The following RABL3 variants were observed in gnomAD, a reference collection of about 807,000 sequenced individuals.
RABL3 encodes the protein RAB, member of RAS oncogene family like 3, also known as rab-like protein 3.
In RABL3, 31 loss-of-function variants were observed where a neutral mutation model predicts 31.8. The ratio of observed to expected loss-of-function variants is 0.97; its 90% CI spans 0.73 to 1.31. The LOEUF (loss-of-function observed/expected upper bound fraction) is 1.31, where lower values mean the gene tolerates loss of function less well. Among genes scored for constraint, RABL3 ranks in the 40% most tolerant of loss-of-function variants. The pLI is 0.00. For missense variants in RABL3, 263 were observed against 279.6 expected, an observed-to-expected ratio of 0.94 and a Z score of 0.42; for synonymous variants, 97 against 99.9, an observed-to-expected ratio of 0.97 and a Z score of 0.18.
chr3:120,726,936 A>G lies in RABL3; in HGVS notation c.138+3760T>C, dbSNP rs970657365. Among the ~76,000 whole-genome samples the G allele has an allele frequency of 5.3e-5, 8 of 152,070 alleles. 1 individual carries two copies. Among genetic ancestry groups the G allele is most frequent in the Admixed American group, 2.6e-4 (4 of 15,252 alleles). On this transcript the variant is annotated intron_variant, in intron 2 of 7. Coordinates refer to ENST00000273375, the MANE Select transcript of RABL3 (RefSeq NM_173825.5). ...GTTTGGAAATTGAGAAGCATATTCT[A>G]CACAACCCATGAGTCAAAGAAAAAA...
Position 120,685,326 on chromosome 3 carries a change from T to G in RABL3, c.*4497A>C, listed in dbSNP as rs1482322542. On this transcript the variant is annotated 3_prime_UTR_variant, in exon 8 of 8. Coordinates refer to ENST00000273375, the MANE Select transcript of RABL3 (RefSeq NM_173825.5). ...GGAACGGAGAGATTACCTGATATAC[T>G]TGATGGTACTGAGCGAGGTTTTACA... Among the ~76,000 whole-genome samples, 1 of 152,182 alleles carries G rather than the reference T, an allele frequency of 6.6e-6. No homozygotes were observed. The highest frequency in any genetic ancestry group is 1.5e-5 in the Non-Finnish European group (1 of 68,028).
At chr3:120,724,712 A>T (rs993912302) in intron 2 of RABL3, among the ~76,000 whole-genome samples, 6 of 152,178 alleles carry the variant, frequency 3.9e-5, no homozygotes, top group East Asian at 1.9e-4. Flanking sequence ...GGATTCCCTA[A>T]TTAATAAATG....
intron 4 of RABL3, among the ~76,000 whole-genome samples, chr3:120,703,089 G>A (rs559611894): frequency 1.3e-5 from 2 of 152,194 alleles, no homozygotes; most frequent in Admixed American, 6.5e-5. Flanking sequence ...GAAGTAGTTC[G>A]TGAATGCTTG....
At chr3:120,701,971 A>G (rs1708497252) in intron 4 of RABL3, among the ~76,000 whole-genome samples, 1 of 152,220 alleles carries the variant, frequency 6.6e-6, no homozygotes. Flanking sequence ...CCATTGAATT[A>G]GCAGTTTCCT....
At chr3:120,738,209 G>C (rs1444222003) in intron 1 of RABL3, among the ~76,000 whole-genome samples, 1 of 152,242 alleles carries the variant, frequency 6.6e-6, no homozygotes, top group Non-Finnish European at 1.5e-5. Context: ...TCAATGGCGG[G>C]CGCCCCTCCC....
chr3:120,702,672 C>T (rs1214370168), intron 4 of RABL3, among the ~76,000 whole-genome samples: 1 of 151,936 alleles, frequency 6.6e-6, no homozygotes, highest in African/African-American at 2.4e-5. Flanking sequence ...ATTCTCCTGC[C>T]TCAGCCTCCC....
intron 5 of RABL3, among the ~76,000 whole-genome samples, chr3:120,697,161 T>C (rs1708446653): frequency 1.3e-5 from 2 of 152,206 alleles, no homozygotes; most frequent in African/African-American, 2.4e-5. Context: ...TAACTGTTGG[T>C]CTAGATGATT....
intron 4 of RABL3, 117 bp from the exon 5 acceptor site, chr3:120,698,690 T>C: frequency 1.2e-6 from 1 of 853,234 alleles, no homozygotes; most frequent in South Asian, 1.8e-5. Flanking sequence ...TTTTGCTGCC[T>C]TCACCTACAA....
intron 6 of RABL3, among the ~76,000 whole-genome samples, chr3:120,692,801 T>C (rs987659859): frequency 2.6e-5 from 4 of 152,214 alleles, no homozygotes; most frequent in African/African-American, 9.6e-5. Flanking sequence ...TAATTTAGTA[T>C]ATCTTATTTT....
intron 6 of RABL3, among the ~76,000 whole-genome samples, chr3:120,692,882 C>G (rs2107574454): frequency 6.6e-6 from 1 of 152,170 alleles, no homozygotes; most frequent in African/African-American, 2.4e-5. Flanking sequence ...CAGGGCAGAT[C>G]TATAAGATGT....
intron 3 of RABL3, among the ~76,000 whole-genome samples, chr3:120,707,371 G>A (rs1429851026): frequency 6.6e-6 from 1 of 152,052 alleles, no homozygotes; most frequent in Non-Finnish European, 1.5e-5. Context: ...TTTAAAAAAA[G>A]GAATAAAGAA....
At chr3:120,711,915 A>G in intron 2 of RABL3, among the ~76,000 whole-genome samples, 1 of 151,892 alleles carries the variant, frequency 6.6e-6, no homozygotes, top group East Asian at 1.9e-4. Flanking sequence ...CCTAGATTCT[A>G]CTCCTTGATT....
chr3:120,699,103 G>T (rs1356286406), intron 4 of RABL3, among the ~76,000 whole-genome samples: 1 of 151,820 alleles, frequency 6.6e-6, no homozygotes, highest in African/African-American at 2.4e-5. Flanking sequence ...GAATAGTAAA[G>T]AAATAAGAAG....
At chr3:120,719,319 G>C (rs1296479777) in intron 2 of RABL3, among the ~76,000 whole-genome samples, 1 of 152,212 alleles carries the variant, frequency 6.6e-6, no homozygotes, top group African/African-American at 2.4e-5. Context: ...GAGGTACTGG[G>C]TTCATCTCAC....
In RABL3 at chr3:120,698,534, T is replaced by C. The variant is rs376036292; in HGVS notation, c.423A>G (p.Pro141=). 7.4e-6 allele frequency: 12 copies of C among 1,613,190 alleles called. No individual in the cohort carries two copies. The highest frequency in any genetic ancestry group is 4.5e-5 in the East Asian group (2 of 44,834). ...CCAGTTTAGTCCCTATTACCAACAG[T>C]GGTATTTGGTTATCAGCAAACTGTT... ...DQEQFADNQI[P]LLVIGTKLDQ... The change falls in exon 5 of 8, where the codon CCA becomes CCG. Residue 141 remains proline, a synonymous_variant. Transcript: ENST00000273375.
intron 5 of RABL3, among the ~76,000 whole-genome samples, chr3:120,695,124 T>C (rs925495370): frequency 2.6e-5 from 4 of 152,094 alleles, no homozygotes; most frequent in African/African-American, 9.7e-5. Flanking sequence ...TCTGTGCCCC[T>C]AGAAATTACT....
intron 6 of RABL3, among the ~76,000 whole-genome samples, chr3:120,692,431 C>T (rs1204810081): frequency 2.0e-5 from 3 of 152,184 alleles, no homozygotes; most frequent in Non-Finnish European, 2.9e-5. Flanking sequence ...ATCTCCTGAC[C>T]TCGTCATCTG....
intron 4 of RABL3, 53 bp from the exon 5 acceptor site, chr3:120,698,626 T>A: frequency 6.8e-7 from 1 of 1,459,976 alleles, no homozygotes; most frequent in East Asian, 2.4e-5. Flanking sequence ...CTGGTGTAGA[T>A]GTGTAATATT....
chr3:120,716,285 G>C (rs1708668896), intron 2 of RABL3, among the ~76,000 whole-genome samples: 1 of 152,192 alleles, frequency 6.6e-6, no homozygotes. Flanking sequence ...ACTTGGGACA[G>C]CAAAGTTAAA....
Sources: allele counts gnomAD v4.1 joint callset (sites outside exome capture counted in the v4.1 genomes callset), GRCh38; gene constraint gnomAD v4.1.1; transcripts MANE v1.5; gene names NCBI Gene and HGNC (gene_info 2026-07-23, HGNC 2026-07-21).